The following DMD variants were observed in gnomAD, a reference collection of about 807,000 sequenced individuals.
The protein encoded by DMD is mutant dystrophin.
Under a neutral mutation model 330.1 loss-of-function variants are expected in DMD, and 63 were observed. The observed-to-expected ratio is 0.19, with a 90% CI of 0.16 to 0.24. The LOEUF (loss-of-function observed/expected upper bound fraction) is 0.24, where lower values mean the gene tolerates loss of function less well. Ranked by LOEUF, DMD falls within the 10% of genes least tolerant of loss-of-function variation. The pLI is 1.00. For synonymous variants in DMD, 1,223 were observed against 959.8 expected (o/e 1.27, Z -5.07); for missense variants, 3,344 against 2,684.1 (o/e 1.25, Z -5.43).
intron 69 of DMD, among the ~76,000 whole-genome samples, chrX:31,179,218 G>T (rs749631965): frequency 1.8e-5 from 2 of 112,509 alleles, no homozygotes; most frequent in African/African-American, 6.4e-5. Flanking sequence ...CTAAATTTCG[G>T]TCTATTCATA....
chrX:32,931,613 AT>A (rs1203028036), intron 2 of DMD, among the ~76,000 whole-genome samples: 1 of 111,355 alleles, frequency 9.0e-6, no homozygotes, highest in African/African-American at 3.3e-5. Flanking sequence ...ATAAGTATGT[AT>A]TCATAGTCAC....
At chrX:33,290,802 C>A (rs1343426834) in intron 1 of DMD, among the ~76,000 whole-genome samples, 1 of 111,230 alleles carries the variant, frequency 9.0e-6, no homozygotes, top group Non-Finnish European at 1.9e-5. Context: ...TTCCTCCTAG[C>A]TTAAAAATAC....
chrX:33,141,617 T>A (rs192069017), intron 1 of DMD, among the ~76,000 whole-genome samples: 7 of 111,968 alleles, frequency 6.3e-5, no homozygotes, highest in African/African-American at 2.3e-4. Flanking sequence ...ATATTCAGTA[T>A]GATTGGAGAG....
chrX:31,527,899 A>T (rs1172331759), intron 55 of DMD, among the ~76,000 whole-genome samples: 3 of 111,689 alleles, frequency 2.7e-5, no homozygotes, highest in Non-Finnish European at 5.6e-5. Context: ...CAAAACTTTG[A>T]TATGTGTCTA....
At chrX:32,610,857 A>T (rs1286673410) in intron 12 of DMD, among the ~76,000 whole-genome samples, 3 of 111,126 alleles carry the variant, frequency 2.7e-5, no homozygotes, top group African/African-American at 9.8e-5. Context: ...AAATTTCCTT[A>T]CTTTCAATGA....
intron 29 of DMD, among the ~76,000 whole-genome samples, chrX:32,416,738 A>G (rs1371784637): frequency 9.0e-6 from 1 of 111,345 alleles, no homozygotes; most frequent in Non-Finnish European, 1.9e-5. Context: ...GCTAAAACCA[A>G]ATCCTACTCA....
At chrX:32,327,004 TTCTC>T (rs752562049) in intron 41 of DMD, among the ~76,000 whole-genome samples, 96 of 110,027 alleles carry the variant, frequency 8.7e-4, no homozygotes, top group African/African-American at 2.2e-3. Flanking sequence ...TAATTATCTG[TTCTC>T]TCTCTCTGTC....
At chrX:31,675,225 G>GT (rs774873092) in intron 53 of DMD, among the ~76,000 whole-genome samples, 4 of 112,170 alleles carry the variant, frequency 3.6e-5, no homozygotes, top group Non-Finnish European at 1.9e-5. Context: ...TCTGCATTCT[G>GT]TTTTTTCACC....
chrX:32,603,830 A>C (rs183310175), intron 12 of DMD, among the ~76,000 whole-genome samples: 12 of 111,541 alleles, frequency 1.1e-4, no homozygotes, highest in Middle Eastern at 4.6e-3. Flanking sequence ...GGACAGACCA[A>C]TAACAAATAG....
At chrX:32,027,757 A>G (rs188173294) in intron 44 of DMD, among the ~76,000 whole-genome samples, 167 of 112,356 alleles carry the variant, frequency 1.5e-3, no homozygotes, top group Middle Eastern at 4.6e-3. Context: ...TCAAATGCCT[A>G]CTAAAGGACT....
intron 52 of DMD, among the ~76,000 whole-genome samples, chrX:31,727,724 T>C (rs1204688804): frequency 8.9e-6 from 1 of 112,200 alleles, no homozygotes; most frequent in Non-Finnish European, 1.9e-5. Context: ...TAGTGGCTAG[T>C]GTTACTGAAA....
intron 11 of DMD, among the ~76,000 whole-genome samples, chrX:32,635,490 T>A (rs924291301): frequency 8.9e-6 from 1 of 111,829 alleles, no homozygotes; most frequent in Non-Finnish European, 1.9e-5. Flanking sequence ...CCATATAAAA[T>A]GACTAGATAT....
chrX:33,264,091 A>T lies in DMD; in HGVS notation c.7+75168T>A, dbSNP rs771411541. Among the ~76,000 whole-genome samples the T allele has an allele frequency of 3.6e-5, 4 of 110,816 alleles. No individual in the cohort carries two copies. In the South Asian group the frequency reaches 1.5e-3, roughly 42 times the overall value. On this transcript the variant is annotated intron_variant, in intron 1 of 17. Transcript: ENST00000288447. ...ACACAGTTAATGAAGAAAAATGTAC[A>T]TATTATAGTCATTGTTTGGCCTGTA...
chrX:32,554,920 A>G (rs1166452147), intron 16 of DMD, among the ~76,000 whole-genome samples: 2 of 28,695 alleles, frequency 7.0e-5, no homozygotes, highest in African/African-American at 1.8e-4. Context: ...AAAGAAAGAA[A>G]GAAAGAAAGA....
At chrX:31,284,557 T>TGTC (rs2052885194) in intron 62 of DMD, among the ~76,000 whole-genome samples, 1 of 78,066 alleles carries the variant, frequency 1.3e-5, no homozygotes, top group Admixed American at 1.5e-4. Context: ...TAACGAACTG[T>TGTC]TTCTTCTTCT....
intron 9 of DMD, among the ~76,000 whole-genome samples, chrX:32,671,321 C>T (rs896282654): frequency 9.0e-6 from 1 of 110,728 alleles, no homozygotes; most frequent in Non-Finnish European, 1.9e-5. Context: ...CTTCTTATTC[C>T]AATTAACTAT....
intron 44 of DMD, among the ~76,000 whole-genome samples, chrX:32,158,479 C>T (rs2096838115): frequency 8.9e-6 from 1 of 111,742 alleles, no homozygotes. Context: ...TGCGGTGGTG[C>T]CTGAGAGTCT....
intron 55 of DMD, among the ~76,000 whole-genome samples, chrX:31,513,652 A>C (rs988140207): frequency 1.8e-5 from 2 of 111,643 alleles, no homozygotes; most frequent in Non-Finnish European, 3.8e-5. Context: ...TTGTGATTGT[A>C]GTCTTTAGGA....
rs1048020067 is a variant in DMD, at chrX:31,881,470, G to A, written c.6913-6097C>T. On this transcript the variant is annotated intron_variant, in intron 47 of 78. Coordinates refer to ENST00000357033, the MANE Select transcript of DMD (RefSeq NM_004006.3). ...CCTAACTATACAGTGTTTGTAAACT[G>A]TATGGTACCGTACAATAATGTCTTA... is the stretch of plus-strand genomic sequence containing the variant. 5.5e-5 allele frequency among the ~76,000 whole-genome samples: 6 copies of A among 110,076 alleles called. No homozygotes were observed. The Admixed American group carries it at 5.8e-4, about 11-fold the overall frequency.
Sources: allele counts gnomAD v4.1 joint callset (sites outside exome capture counted in the v4.1 genomes callset), GRCh38; gene constraint gnomAD v4.1.1; transcripts MANE v1.5; gene names NCBI Gene and HGNC (gene_info 2026-07-23, HGNC 2026-07-21).